The following GPATCH2 variants were observed in gnomAD, a reference collection of about 807,000 sequenced individuals.
GPATCH2 encodes the protein G-patch domain containing 2, also known as G patch domain-containing protein 2.
Under a neutral mutation model 58.0 loss-of-function variants are expected in GPATCH2, and 51 were observed. The ratio of observed to expected loss-of-function variants is 0.88; its 90% CI spans 0.70 to 1.11. GPATCH2 has a LOEUF of 1.11. Among genes scored for constraint, GPATCH2 ranks in the 50% most tolerant of loss-of-function variants. The probability of loss-of-function intolerance (pLI) is 0.00; values close to 1 mark genes in which losing one functional copy is unlikely to be tolerated. For synonymous variants in GPATCH2, 222 were observed against 218.5 expected, an observed-to-expected ratio of 1.02 and a Z score of -0.14; for missense variants, 625 against 652.2, an observed-to-expected ratio of 0.96 and a Z score of 0.45.
intron 8 of GPATCH2, among the ~76,000 whole-genome samples, chr1:217,480,245 C>A (rs946645346): frequency 1.3e-5 from 2 of 151,034 alleles, no homozygotes; most frequent in Non-Finnish European, 2.9e-5. Flanking sequence ...ACCCACCTGA[C>A]AAAGGATTAG....
intron 2 of GPATCH2, 38 bp from the exon 3 acceptor site, chr1:217,614,240 C>T (rs1668775606): frequency 8.4e-7 from 1 of 1,193,540 alleles, no homozygotes; most frequent in East Asian, 2.3e-5. Context: ...ATCAAAAGAA[C>T]AATTGATCTC....
At chr1:217,611,310 A>G (rs925248120) in intron 3 of GPATCH2, among the ~76,000 whole-genome samples, 1 of 152,140 alleles carries the variant, frequency 6.6e-6, no homozygotes, top group African/African-American at 2.4e-5. Context: ...TACAATTTAA[A>G]TGTAATTGGG....
chr1:217,452,978 C>T (rs754399201), intron 8 of GPATCH2, among the ~76,000 whole-genome samples: 5 of 152,188 alleles, frequency 3.3e-5, no homozygotes, highest in Admixed American at 6.5e-5. Context: ...CCCACACCCC[C>T]CTTCTTTCAG....
chr1:217,499,544 A>G (rs537309433), intron 6 of GPATCH2, among the ~76,000 whole-genome samples: 52 of 152,302 alleles, frequency 3.4e-4, no homozygotes, highest in African/African-American at 1.2e-3. Flanking sequence ...AGGCCTTAAT[A>G]TAGAATTTCT....
chr1:217,517,002 T>C (rs1663193699), intron 5 of GPATCH2, among the ~76,000 whole-genome samples: 1 of 152,124 alleles, frequency 6.6e-6, no homozygotes, highest in South Asian at 2.1e-4. Flanking sequence ...CTGAATGCAA[T>C]AAAACAGAAT....
At chr1:217,515,214 G>C (rs1663066580) in intron 5 of GPATCH2, among the ~76,000 whole-genome samples, 1 of 151,562 alleles carries the variant, frequency 6.6e-6, no homozygotes, top group Non-Finnish European at 1.5e-5. Flanking sequence ...TCCTGTCTCA[G>C]CCTCCCCAGT....
At position 217,615,890 on chromosome 1, in the gene GPATCH2, A is replaced by G. The variant is rs1221684374; in HGVS notation, c.774-1688T>C. Among the ~76,000 whole-genome samples the G allele has an allele frequency of 2.0e-5, 3 of 152,116 alleles. No individual in the cohort carries two copies. The East Asian group carries it at 5.8e-4, about 29-fold the overall frequency. The stretch of plus-strand genomic sequence containing the variant: ...GATGTGCTATTTTTTCTAGACCATG[A>G]TCTTCTAATCTGAATTCAGATTTAC... On this transcript the variant is annotated intron_variant, in intron 2 of 9. Transcript: ENST00000366935.
Position 217,619,970 on chromosome 1 carries a change from C to A in GPATCH2, c.586G>T (p.Asp196Tyr). ...AATTCTTGATACTGGTAGGCTCTAT[C>A]ACTGTCCATGTCCTGATCTCTACAA... ...EGCRDQDMDS[D>Y]RAYQYQEFTK... The change falls in exon 2 of 10, where the codon GAT (aspartate) becomes TAT (tyrosine). Residue 196 changes from aspartate to tyrosine, a missense_variant. Coordinates refer to ENST00000366935, the MANE Select transcript of GPATCH2 (RefSeq NM_018040.5). 4 of 1,614,004 alleles carry A rather than the reference C, an allele frequency of 2.5e-6. No individual in the cohort carries two copies. The highest frequency in any genetic ancestry group is 3.4e-6 in the Non-Finnish European group (4 of 1,179,986).
chr1:217,456,684 C>T (rs184563742), intron 8 of GPATCH2, among the ~76,000 whole-genome samples: 3 of 152,236 alleles, frequency 2.0e-5, no homozygotes, highest in Admixed American at 1.3e-4. Context: ...TTATCTGATT[C>T]TGAATGATTA....
rs565648362 is a variant in GPATCH2, at chr1:217,575,005, T to C, written c.1098+35316A>G. On this transcript the variant is annotated intron_variant, in intron 5 of 9. Coordinates refer to ENST00000366935, the MANE Select transcript of GPATCH2 (RefSeq NM_018040.5). ...CACAGGGTTGGAAATGTGGCACTTA[T>C]ATGATTTTTCTTGGTCTGAGAAGTG... Among the ~76,000 whole-genome samples the C allele has an allele frequency of 3.3e-5, 5 of 152,344 alleles. No individual in the cohort carries two copies. In the South Asian group the frequency reaches 6.2e-4, roughly 19 times the overall value.
intron 8 of GPATCH2, among the ~76,000 whole-genome samples, chr1:217,465,705 G>C (rs975861899): frequency 2.0e-5 from 3 of 152,148 alleles, no homozygotes; most frequent in Non-Finnish European, 2.9e-5. Flanking sequence ...CAGCCATGTG[G>C]AACTGTAAAT....
chr1:217,539,326 A>G (rs1194636460), intron 5 of GPATCH2, among the ~76,000 whole-genome samples: 3 of 152,238 alleles, frequency 2.0e-5, no homozygotes, highest in Non-Finnish European at 4.4e-5. Flanking sequence ...AAGAGTTTAT[A>G]TGATTAAACC....
At chr1:217,539,722 G>A (rs1391600744) in intron 5 of GPATCH2, among the ~76,000 whole-genome samples, 2 of 152,112 alleles carry the variant, frequency 1.3e-5, no homozygotes, top group African/African-American at 4.8e-5. Flanking sequence ...TTGCAGCTCT[G>A]TATGTGTGGC....
intron 8 of GPATCH2, among the ~76,000 whole-genome samples, chr1:217,461,403 CTATA>C (rs1396283376): frequency 1.3e-5 from 2 of 152,154 alleles, no homozygotes; most frequent in Non-Finnish European, 2.9e-5. Flanking sequence ...TAAACTACAG[CTATA>C]TATGTACACA....
intron 3 of GPATCH2, among the ~76,000 whole-genome samples, chr1:217,611,949 G>GTGGGAGGATCATTTGAGGT (rs1668654185): frequency 2.0e-5 from 3 of 152,108 alleles, no homozygotes; most frequent in Admixed American, 2.0e-4. Context: ...AGAGGCCAAA[G>GTGGGAGGATCATTTGAGGT]TGGGAGGATC....
chr1:217,484,714 T>C (rs964624105), intron 8 of GPATCH2, among the ~76,000 whole-genome samples: 2 of 150,368 alleles, frequency 1.3e-5, no homozygotes. Context: ...TATGTGTGCA[T>C]AGAGGTGATA....
At chr1:217,502,727 C>T (rs1427581151) in intron 6 of GPATCH2, among the ~76,000 whole-genome samples, 1 of 151,928 alleles carries the variant, frequency 6.6e-6, no homozygotes, top group East Asian at 1.9e-4. Context: ...ATAAGTTTAC[C>T]CACAGGATGA....
At chr1:217,559,898 G>A (rs1050456788) in intron 5 of GPATCH2, among the ~76,000 whole-genome samples, 11 of 150,328 alleles carry the variant, frequency 7.3e-5, no homozygotes, top group African/African-American at 2.7e-4. Context: ...GAGAGAGAGA[G>A]AGGTCTATAC....
chr1:217,607,781 C>G (rs867405150), intron 5 of GPATCH2, among the ~76,000 whole-genome samples: 2 of 151,986 alleles, frequency 1.3e-5, no homozygotes, highest in Admixed American at 1.3e-4. Flanking sequence ...AAAACTTTCC[C>G]CCAAAAAATG....
Sources: gnomAD v4.1 joint callset for allele counts (sites outside exome capture counted in the v4.1 genomes callset) on GRCh38, gnomAD v4.1.1 for gene constraint, MANE v1.5 for transcripts, NCBI Gene and HGNC (gene_info 2026-07-23, HGNC 2026-07-21) for gene names.